WWOX: variants seen among roughly 807,000 people sequenced by gnomAD.
WWOX encodes WW domain-containing oxidoreductase.
WWOX carries 69 observed loss-of-function variants against 46.2 expected under a neutral mutation model. That is an observed-to-expected ratio of 1.49 (90% CI 1.23 to 1.82). The LOEUF is 1.82. WWOX is among the 40% of genes most tolerant of loss of function. WWOX has a pLI of 0.00. For missense variants in WWOX, 919 were observed against 542.6 expected (o/e 1.69, Z -6.89); for synonymous variants, 359 against 202.6 (o/e 1.77, Z -6.56).
intron 8 of WWOX, among the ~76,000 whole-genome samples, chr16:79,185,389 G>C (rs2050993265): frequency 6.6e-6 from 1 of 152,140 alleles, no homozygotes. Context: ...GGGGAAAAAA[G>C]AGGTAATACT....
At chr16:78,143,509 C>T (rs1057013540) in intron 4 of WWOX, among the ~76,000 whole-genome samples, 9 of 152,162 alleles carry the variant, frequency 5.9e-5, no homozygotes, top group East Asian at 1.9e-4. Context: ...GTTTACATAT[C>T]GCCCATGGCT....
At chr16:79,015,069 C>A (rs1597279306) in intron 8 of WWOX, among the ~76,000 whole-genome samples, 1 of 152,148 alleles carries the variant, frequency 6.6e-6, no homozygotes, top group South Asian at 2.1e-4. Flanking sequence ...TCATCCTGAA[C>A]CTCTGTCTTT....
rs144702013 is a variant in WWOX, at chr16:78,379,960, T to C, written c.517-6900T>C. 2.7e-4 allele frequency among the ~76,000 whole-genome samples: 41 copies of C among 152,276 alleles called. No homozygotes were observed. In the East Asian group the frequency reaches 7.7e-3, roughly 29 times the overall value. On this transcript the variant is annotated intron_variant, in intron 5 of 8. Coordinates refer to ENST00000566780, the MANE Select transcript of WWOX (RefSeq NM_016373.4). Reference sequence around the variant, plus strand: ...AGGAGAAAAGAAAACGGAGATTGAATCTGGAAAACGCATTCATCTTTAGAG... The same window carrying C: ...AGGAGAAAAGAAAACGGAGATTGAACCTGGAAAACGCATTCATCTTTAGAG...
chr16:78,839,603 G>A (rs1358783382), intron 8 of WWOX, among the ~76,000 whole-genome samples: 1 of 152,136 alleles, frequency 6.6e-6, no homozygotes, highest in Non-Finnish European at 1.5e-5. Flanking sequence ...CAGCCTGTCA[G>A]CACATATTTA....
intron 5 of WWOX, among the ~76,000 whole-genome samples, chr16:78,309,448 A>G (rs34407101): frequency 0.051 from 7,772 of 152,202 alleles, 513 homozygotes; most frequent in African/African-American, 0.16. Flanking sequence ...GAATGGGCTA[A>G]TATACCACGT....
At chr16:78,797,159 G>T (rs770236381) in intron 8 of WWOX, among the ~76,000 whole-genome samples, 1 of 151,870 alleles carries the variant, frequency 6.6e-6, no homozygotes, top group South Asian at 2.1e-4. Context: ...TGGGGAAATC[G>T]TACCTGCCCT....
chr16:78,620,096 A>G (rs1011790168), intron 8 of WWOX, among the ~76,000 whole-genome samples: 1 of 152,158 alleles, frequency 6.6e-6, no homozygotes, highest in Non-Finnish European at 1.5e-5. Flanking sequence ...AATACCTAGG[A>G]CAGTATTTGG....
In WWOX at chr16:79,001,462, C is replaced by T. The variant is rs576129618; in HGVS notation, c.1057-210146C>T. 1.2e-4 allele frequency among the ~76,000 whole-genome samples: 18 copies of T among 152,210 alleles called. No individual in the cohort carries two copies. The South Asian group carries it at 2.7e-3, about 23-fold the overall frequency. On this transcript the variant is annotated intron_variant, in intron 8 of 8. Coordinates refer to ENST00000566780, the MANE Select transcript of WWOX (RefSeq NM_016373.4). ...ATATTGGTGCCAAGCTAAATTTGTGCGTGCAGCTTCTGTTTAAGGCAATTA... is the reference window on the plus strand; with the variant it reads ...ATATTGGTGCCAAGCTAAATTTGTGTGTGCAGCTTCTGTTTAAGGCAATTA...
Position 78,606,153 on chromosome 16 carries a change from C to A in WWOX, c.1056+173401C>A, listed in dbSNP as rs535635157. On this transcript the variant is annotated intron_variant, in intron 8 of 8. Coordinates refer to ENST00000566780, the MANE Select transcript of WWOX (RefSeq NM_016373.4). ...ACCAATCATCATGGTTTCGTTAACA[C>A]AGTCAAAATTTACCACTGGGCTATT... 2.0e-5 allele frequency among the ~76,000 whole-genome samples: 3 copies of A among 152,302 alleles called. No individual in the cohort carries two copies. In the East Asian group the frequency reaches 5.8e-4, roughly 29 times the overall value.
intron 5 of WWOX, among the ~76,000 whole-genome samples, chr16:78,333,210 C>A (rs897275986): frequency 6.6e-6 from 1 of 151,506 alleles, no homozygotes; most frequent in African/African-American, 2.4e-5. Context: ...ACTCCCACAC[C>A]CAGGTAATTT....
chr16:78,526,049 G>A (rs910069496), intron 8 of WWOX: 2 of 152,176 alleles, frequency 1.3e-5, no homozygotes, highest in Non-Finnish European at 2.9e-5. Context: ...GATGAAAGAG[G>A]TTTCCTAACA....
intron 1 of WWOX, among the ~76,000 whole-genome samples, chr16:78,104,231 A>C (rs867505168): frequency 7.7e-6 from 1 of 130,124 alleles, no homozygotes; most frequent in Non-Finnish European, 1.6e-5. Flanking sequence ...CTGTGCTCAA[A>C]ACACACACAC....
chr16:79,094,172 A>G (rs760747907), intron 8 of WWOX, among the ~76,000 whole-genome samples: 2 of 152,184 alleles, frequency 1.3e-5, no homozygotes, highest in Non-Finnish European at 2.9e-5. Flanking sequence ...GTTGCTTGCA[A>G]AAGTTCGTCG....
intron 4 of WWOX, among the ~76,000 whole-genome samples, chr16:78,136,855 G>T (rs1476257204): frequency 1.3e-5 from 2 of 151,968 alleles, no homozygotes; most frequent in Non-Finnish European, 2.9e-5. Flanking sequence ...TTCTAATCCT[G>T]ACCACCACAA....
intron 8 of WWOX, among the ~76,000 whole-genome samples, chr16:78,699,586 C>A (rs914992312): frequency 5.9e-5 from 9 of 152,104 alleles, no homozygotes; most frequent in Admixed American, 2.0e-4. Flanking sequence ...ATACCACATA[C>A]GTGAATATAT....
At chr16:78,642,575 T>G (rs746462957) in intron 8 of WWOX, among the ~76,000 whole-genome samples, 1 of 152,134 alleles carries the variant, frequency 6.6e-6, no homozygotes, top group Non-Finnish European at 1.5e-5. Flanking sequence ...ACTTGTTGGA[T>G]GAGATTTCCG....
chr16:78,704,846 C>A (rs1023132221), intron 8 of WWOX, among the ~76,000 whole-genome samples: 1 of 151,878 alleles, frequency 6.6e-6, no homozygotes, highest in African/African-American at 2.4e-5. Context: ...ATTGACATTA[C>A]GTGGCTTCTT....
chr16:78,758,306 T>C (rs553071295), intron 8 of WWOX, among the ~76,000 whole-genome samples: 1 of 152,150 alleles, frequency 6.6e-6, no homozygotes, highest in Non-Finnish European at 1.5e-5. Flanking sequence ...TTTGGGCAAA[T>C]GGAAGATGAG....
chr16:79,075,467 T>G (rs969983568), intron 8 of WWOX, among the ~76,000 whole-genome samples: 2 of 152,236 alleles, frequency 1.3e-5, no homozygotes. Context: ...ATATGATTGT[T>G]GCTTTCATTG....
Sources: gnomAD v4.1 joint callset for allele counts (sites outside exome capture counted in the v4.1 genomes callset) on GRCh38, gnomAD v4.1.1 for gene constraint, MANE v1.5 for transcripts, NCBI Gene and HGNC (gene_info 2026-07-23, HGNC 2026-07-21) for gene names.